The following PECR variants were observed in gnomAD, a reference collection of about 807,000 sequenced individuals.
PECR encodes 2,4-dienoyl-CoA reductase-related protein.
PECR carries 30 observed loss-of-function variants against 35.3 expected under a neutral mutation model. That is an observed-to-expected ratio of 0.85 (90% CI 0.64 to 1.15). The LOEUF (loss-of-function observed/expected upper bound fraction) is 1.15. Ranked by LOEUF, PECR falls within the 50% of genes most tolerant of loss-of-function variation. The probability of loss-of-function intolerance (pLI) is 0.00; values close to 1 mark genes in which losing one functional copy is unlikely to be tolerated. For missense variants in PECR, 392 were observed against 370.8 expected (o/e 1.06, Z -0.47); for synonymous variants, 148 against 138.9 (o/e 1.07, Z -0.46).
intron 1 of PECR, 143 bp downstream of exon 1, chr2:216,081,475 G>T (rs1282905720): frequency 1.8e-5 from 17 of 966,354 alleles, no homozygotes; most frequent in Non-Finnish European, 2.7e-5. Flanking sequence ...TCTCCCTGGT[G>T]GTCGTAATTT....
intron 3 of PECR, among the ~76,000 whole-genome samples, chr2:216,064,683 G>A (rs1262778187): frequency 1.3e-5 from 2 of 152,200 alleles, no homozygotes; most frequent in Non-Finnish European, 2.9e-5. Context: ...GATTCTGCTA[G>A]TTAGGTAGAG....
chr2:216,059,679 A>G (rs949563971), intron 3 of PECR, among the ~76,000 whole-genome samples: 19 of 152,128 alleles, frequency 1.2e-4, no homozygotes, highest in African/African-American at 4.6e-4. Flanking sequence ...CTGCTGTCTG[A>G]TTTTTTGATA....
chr2:216,040,322 G>T (rs1199336128), intron 7 of PECR, among the ~76,000 whole-genome samples: 2 of 152,172 alleles, frequency 1.3e-5, no homozygotes, highest in South Asian at 2.1e-4. Flanking sequence ...GAGTGCAGTT[G>T]TGCAATCATG....
downstream of PECR, among the ~76,000 whole-genome samples, chr2:216,036,347 C>A (rs1452580730): frequency 6.6e-6 from 1 of 152,202 alleles, no homozygotes; most frequent in Non-Finnish European, 1.5e-5. Context: ...TGCATTCCAT[C>A]ATTCCCAATG....
intron 4 of PECR, among the ~76,000 whole-genome samples, chr2:216,052,377 G>C (rs1439499516): frequency 6.6e-6 from 1 of 152,138 alleles, no homozygotes; most frequent in Non-Finnish European, 1.5e-5. Flanking sequence ...AGTAAATAAT[G>C]GACTTCCTTT....
intron 3 of PECR, among the ~76,000 whole-genome samples, chr2:216,060,380 G>A (rs958137333): frequency 1.1e-4 from 16 of 152,208 alleles, no homozygotes; most frequent in African/African-American, 2.4e-4. Flanking sequence ...AATCATTCCC[G>A]GCTAGGAGTG....
chr2:216,076,253 C>T (rs1379092764), intron 1 of PECR, among the ~76,000 whole-genome samples: 4 of 152,112 alleles, frequency 2.6e-5, no homozygotes, highest in South Asian at 2.1e-4. Context: ...ATTGCAGTGG[C>T]GTGATCTCGG....
chr2:216,033,393 A>G (rs1370705823), downstream of PECR, among the ~76,000 whole-genome samples: 3 of 152,144 alleles, frequency 2.0e-5, no homozygotes, highest in Non-Finnish European at 4.4e-5. Flanking sequence ...AGAGCGAGTA[A>G]GTGGTAGAAG....
At chr2:216,066,671 T>G in intron 1 of PECR, 153 bp from the exon 2 acceptor site, 1 of 742,672 alleles carries the variant, frequency 1.3e-6, no homozygotes. Flanking sequence ...AAATATATCA[T>G]GTGTTCCATT....
chr2:216,069,891 G>C (rs565859923), intron 1 of PECR, among the ~76,000 whole-genome samples: 1 of 149,270 alleles, frequency 6.7e-6, no homozygotes, highest in Non-Finnish European at 1.5e-5. Context: ...AGCTGAGATC[G>C]TGCCATTGCA....
chr2:216,054,572 G>A (rs1028478030), intron 4 of PECR, among the ~76,000 whole-genome samples: 21 of 151,580 alleles, frequency 1.4e-4, no homozygotes, highest in Admixed American at 8.5e-4. Flanking sequence ...CTGACCTCAG[G>A]TGATCTACCC....
At chr2:216,049,090 G>C (rs41377248) in intron 6 of PECR, among the ~76,000 whole-genome samples, 173 bp downstream of exon 6, 7,463 of 152,224 alleles carry the variant, frequency 0.049, 229 homozygotes, top group Middle Eastern at 0.11. Context: ...ACAGATTGCT[G>C]TCAGTAGCCA....
chr2:216,061,129 CAAAAAAAAAAA>C (rs151215904), intron 3 of PECR, among the ~76,000 whole-genome samples: 1 of 52,390 alleles, frequency 1.9e-5, no homozygotes, highest in Non-Finnish European at 3.4e-5. Context: ...CCGGCTCTAC[CAAAAAAAAAAA>C]AAAAAAAAAA....
intron 4 of PECR, chr2:216,058,033 A>G (rs1367684887): frequency 6.6e-6 from 1 of 152,278 alleles, no homozygotes; most frequent in Non-Finnish European, 1.5e-5. Context: ...TGAAGAAAGC[A>G]AAACCAAAAG....
rs774207430 is a variant in PECR at position 216,062,052 on chromosome 2, A to AT, written c.425-3077dup. Among the ~76,000 whole-genome samples the AT allele has an allele frequency of 8.9e-3, 1,220 of 137,206 alleles. 8 individuals carry two copies. Among genetic ancestry groups the AT allele is most frequent in the African/African-American group, 0.011 (429 of 37,430 alleles). 90.0% of individuals were successfully genotyped at this position (137,206 alleles called of 152,430 possible). A position where few individuals can be genotyped will look rare whatever the true frequency, so the allele number is the denominator to read the frequency against. ...AAATGGGAATGTTAGTGCGTGGTGAATTTTTTTTTTTTTTTTTTGAGACAG... is the reference window on the plus strand; with the variant it reads ...AAATGGGAATGTTAGTGCGTGGTGAATTTTTTTTTTTTTTTTTTTGAGACAG... On this transcript the variant is annotated intron_variant, in intron 3 of 7. Coordinates refer to ENST00000265322, the MANE Select transcript of PECR (RefSeq NM_018441.6).
intron 7 of PECR, among the ~76,000 whole-genome samples, chr2:216,039,882 C>T (rs896770001): frequency 6.6e-6 from 1 of 152,144 alleles, no homozygotes. Context: ...ACTATAACCC[C>T]GCCACAGTTA....
chr2:216,035,483 CTCT>C (rs200261178), downstream of PECR, among the ~76,000 whole-genome samples: 7,812 of 147,404 alleles, frequency 0.053, 225 homozygotes, highest in African/African-American at 0.086. Flanking sequence ...CTATGGAGGG[CTCT>C]TCTTTTTTTT....
At chr2:216,075,894 C>A (rs1695687854) in intron 1 of PECR, among the ~76,000 whole-genome samples, 1 of 152,136 alleles carries the variant, frequency 6.6e-6, no homozygotes, top group South Asian at 2.1e-4. Context: ...ATCTACTATA[C>A]CTAATTTATG....
chr2:216,065,761 C>T lies in PECR; in HGVS notation c.259-284G>A, dbSNP rs139448013. 8.5e-4 allele frequency among the ~76,000 whole-genome samples: 129 copies of T among 152,316 alleles called. 1 individual carries two copies. The East Asian group carries it at 0.02, about 24-fold the overall frequency. On this transcript the variant is annotated intron_variant, in intron 2 of 7. Coordinates refer to ENST00000265322, the MANE Select transcript of PECR (RefSeq NM_018441.6). The stretch of plus-strand genomic sequence containing the variant: ...ACCCTTGAGTAGGGCAGGCCTCTGT[C>T]ATATATTAATTTGACAGCTACCAAC...
Sources: gnomAD v4.1 joint callset for allele counts (sites outside exome capture counted in the v4.1 genomes callset) on GRCh38, gnomAD v4.1.1 for gene constraint, MANE v1.5 for transcripts, NCBI Gene and HGNC (gene_info 2026-07-23, HGNC 2026-07-21) for gene names.